The following PPTC7 variants were observed in gnomAD, a reference collection of about 807,000 sequenced individuals.
PPTC7 encodes protein phosphatase targeting COQ7.
Under a neutral mutation model 30.8 loss-of-function variants are expected in PPTC7, and 6 were observed. The ratio of observed to expected loss-of-function variants is 0.19; its 90% CI spans 0.11 to 0.38. PPTC7 has a LOEUF of 0.38. PPTC7 is among the 10% of genes least tolerant of loss of function. The pLI is 1.00. For synonymous variants in PPTC7, 163 were observed against 168.1 expected (o/e 0.97, Z 0.23); for missense variants, 218 against 404.8 (o/e 0.54, Z 3.96).
chr12:110,536,789 A>G lies in PPTC7; in HGVS notation c.*248T>C, dbSNP rs1045006356. The stretch of plus-strand genomic sequence containing the variant: ...CACCTCCATCCCCATCATGGAAAGA[A>G]CATCGAGAAATGAAGGCCAATCTTC... On this transcript the variant is annotated 3_prime_UTR_variant, in exon 6 of 6. Coordinates refer to ENST00000354300, the MANE Select transcript of PPTC7 (RefSeq NM_139283.2). The G allele has an allele frequency of 8.5e-6, 4 of 469,130 alleles. No individual in the cohort carries two copies. Among genetic ancestry groups the G allele is most frequent in the African/African-American group, 2.0e-5 (1 of 50,740 alleles). The allele number at this position is 469,130 out of a possible 1,614,324, so 29.1% of individuals were successfully genotyped here. A position where few individuals can be genotyped will look rare whatever the true frequency, so the allele number is the denominator to read the frequency against.
At chr12:110,566,179 A>C (rs138003930) in intron 1 of PPTC7, among the ~76,000 whole-genome samples, 1 of 152,356 alleles carries the variant, frequency 6.6e-6, no homozygotes, top group African/African-American at 2.4e-5. Context: ...CTGGAAGGAA[A>C]GGCTGGCCTG....
chr12:110,579,528 T>C (rs1210638947), intron 1 of PPTC7, among the ~76,000 whole-genome samples: 4 of 151,976 alleles, frequency 2.6e-5, no homozygotes, highest in Non-Finnish European at 5.9e-5. Flanking sequence ...AGTCATGGAG[T>C]CAGCAAAGTT....
chr12:110,541,696 G>A (rs1441533467), intron 3 of PPTC7, among the ~76,000 whole-genome samples: 5 of 109,168 alleles, frequency 4.6e-5, no homozygotes, highest in Admixed American at 1.1e-4. Flanking sequence ...GCTAAACTCC[G>A]TCTCAAAAAA....
intron 1 of PPTC7, among the ~76,000 whole-genome samples, chr12:110,578,961 C>A (rs994039156): frequency 2.6e-5 from 4 of 152,082 alleles, no homozygotes; most frequent in Non-Finnish European, 5.9e-5. Context: ...GCCTAGGCAA[C>A]GTGGCGAAAC....
chr12:110,553,311 G>A (rs2064363016), intron 1 of PPTC7, among the ~76,000 whole-genome samples: 1 of 151,608 alleles, frequency 6.6e-6, no homozygotes, highest in South Asian at 2.1e-4. Context: ...CATCACGCCT[G>A]GCTTTTTTGT....
At chr12:110,545,520 A>G (rs1424174966) in intron 3 of PPTC7, among the ~76,000 whole-genome samples, 3 of 152,276 alleles carry the variant, frequency 2.0e-5, no homozygotes, top group Non-Finnish European at 4.4e-5. Context: ...CTAACAATGT[A>G]TGCAAAATCT....
At chr12:110,566,951 C>T (rs1247242046) in intron 1 of PPTC7, among the ~76,000 whole-genome samples, 1 of 152,218 alleles carries the variant, frequency 6.6e-6, no homozygotes, top group Non-Finnish European at 1.5e-5. Context: ...AGTAACCTTA[C>T]TTAGCAAATA....
In PPTC7 at chr12:110,583,103, TCTC is replaced by T. The variant is rs1324078530; in HGVS notation, c.-75_-73del. The T allele has an allele frequency of 1.1e-5, 14 of 1,223,572 alleles. No individual in the cohort carries two copies. Among genetic ancestry groups the T allele is most frequent in the African/African-American group, 1.6e-5 (1 of 61,052 alleles). The allele number at this position is 1,223,572 out of a possible 1,614,324, so 75.8% of individuals were successfully genotyped here. On this transcript the variant is annotated 5_prime_UTR_variant, in exon 1 of 6. Coordinates refer to ENST00000354300, the MANE Select transcript of PPTC7 (RefSeq NM_139283.2). ...GGACGCGGAGGCCCGGAGCCGGCTCTCTCCTCAGCCGCAGTCGCGCCGCCGCTG... is the reference window on the plus strand; with the variant it reads ...GGACGCGGAGGCCCGGAGCCGGCTCTCTCAGCCGCAGTCGCGCCGCCGCTG...
intron 3 of PPTC7, among the ~76,000 whole-genome samples, chr12:110,542,197 G>A (rs367824808): frequency 6.6e-6 from 1 of 151,626 alleles, no homozygotes; most frequent in Admixed American, 6.6e-5. Context: ...ACTGAATGAA[G>A]CAGCAAAATA....
At chr12:110,568,252 CG>C (rs1431632688) in intron 1 of PPTC7, among the ~76,000 whole-genome samples, 4 of 145,622 alleles carry the variant, frequency 2.7e-5, no homozygotes, top group African/African-American at 1.0e-4. Flanking sequence ...CAATCTCATG[CG>C]TTTTTTTTTT....
chr12:110,573,337 C>A (rs1239847071), intron 1 of PPTC7, among the ~76,000 whole-genome samples: 2 of 152,126 alleles, frequency 1.3e-5, no homozygotes, highest in Non-Finnish European at 2.9e-5. Context: ...TAAATAACTA[C>A]AAATAGAGGA....
chr12:110,544,139 T>A (rs2064286679), intron 3 of PPTC7, among the ~76,000 whole-genome samples: 1 of 152,204 alleles, frequency 6.6e-6, no homozygotes, highest in Non-Finnish European at 1.5e-5. Context: ...ACTTTTACTT[T>A]TTACTTTTGG....
chr12:110,543,296 C>T (rs2064278006), intron 3 of PPTC7, among the ~76,000 whole-genome samples: 1 of 152,156 alleles, frequency 6.6e-6, no homozygotes. Flanking sequence ...TGTGCTGCTG[C>T]AGGGAACCGA....
chr12:110,560,025 G>A (rs1285511089), intron 1 of PPTC7, among the ~76,000 whole-genome samples: 1 of 152,160 alleles, frequency 6.6e-6, no homozygotes, highest in African/African-American at 2.4e-5. Flanking sequence ...ACTGAGCCCA[G>A]CCAAGAAGAA....
intron 1 of PPTC7, among the ~76,000 whole-genome samples, chr12:110,573,444 C>T (rs1418243571): frequency 1.3e-5 from 2 of 152,164 alleles, no homozygotes. Context: ...TCTGGAGTCA[C>T]ACACTATTAA....
chr12:110,562,977 C>G (rs2064450893), intron 1 of PPTC7, among the ~76,000 whole-genome samples: 1 of 150,944 alleles, frequency 6.6e-6, no homozygotes. Flanking sequence ...CAAAAATTAG[C>G]TGGACTTGGT....
chr12:110,551,352 T>C lies in PPTC7; in HGVS notation c.403+437A>G, dbSNP rs576615872. Among the ~76,000 whole-genome samples the C allele has an allele frequency of 7.9e-5, 12 of 152,248 alleles. No individual in the cohort carries two copies. The South Asian group carries it at 2.5e-3, about 32-fold the overall frequency. On this transcript the variant is annotated intron_variant, in intron 2 of 5. Transcript: ENST00000354300. ...ATTCTGGTTAGCCTATAGTTTCTCTTTTATTTTTTGGAGATGGAGTTTCAC... is the reference window on the plus strand; with the variant it reads ...ATTCTGGTTAGCCTATAGTTTCTCTCTTATTTTTTGGAGATGGAGTTTCAC...
chr12:110,565,979 A>G (rs1385783838), intron 1 of PPTC7, among the ~76,000 whole-genome samples: 1 of 152,240 alleles, frequency 6.6e-6, no homozygotes, highest in East Asian at 1.9e-4. Context: ...GGAGGCTGAC[A>G]AGACAGGCAT....
At chr12:110,563,466 T>A (rs905676332) in intron 1 of PPTC7, among the ~76,000 whole-genome samples, 2 of 152,174 alleles carry the variant, frequency 1.3e-5, no homozygotes, top group Non-Finnish European at 2.9e-5. Context: ...AAAATCAAAA[T>A]TAGCCAGGCG....
Sources: gnomAD v4.1 joint callset for allele counts (sites outside exome capture counted in the v4.1 genomes callset) on GRCh38, gnomAD v4.1.1 for gene constraint, MANE v1.5 for transcripts, NCBI Gene and HGNC (gene_info 2026-07-23, HGNC 2026-07-21) for gene names.